MGMT: variants seen among roughly 807,000 people sequenced by gnomAD.
The protein encoded by MGMT is O-6-methylguanine-DNA methyltransferase.
MGMT carries 14 observed loss-of-function variants against 15.9 expected under a neutral mutation model. The ratio of observed to expected loss-of-function variants is 0.88; its 90% confidence interval spans 0.58 to 1.37. The LOEUF (loss-of-function observed/expected upper bound fraction) is 1.37, where lower values mean the gene tolerates loss of function less well. MGMT is among the 40% of genes most tolerant of loss of function. The probability of loss-of-function intolerance (pLI) is 0.00; values close to 1 mark genes in which losing one functional copy is unlikely to be tolerated. For synonymous variants in MGMT, 130 were observed against 118.2 expected (o/e 1.10, Z -0.65); for missense variants, 282 against 268.1 (o/e 1.05, Z -0.36).
chr10:129,511,943 G>A (rs10764885), intron 1 of MGMT, among the ~76,000 whole-genome samples: 70,189 of 152,076 alleles, frequency 0.46, 16,743 homozygotes, highest in East Asian at 0.63. Flanking sequence ...GCTGGCTGCT[G>A]CTCTTCCTTA....
intron 2 of MGMT, among the ~76,000 whole-genome samples, chr10:129,582,719 G>C (rs571228407): frequency 6.6e-6 from 1 of 151,822 alleles, no homozygotes. Flanking sequence ...TTCCCCCTTC[G>C]GATAAAGCAT....
intron 2 of MGMT, among the ~76,000 whole-genome samples, chr10:129,619,510 A>G (rs2133074441): frequency 6.6e-6 from 1 of 152,192 alleles, no homozygotes; most frequent in East Asian, 1.9e-4. Flanking sequence ...CTGGCTTCAT[A>G]AAATGAACTG....
chr10:129,657,719 A>G (rs1240381732), intron 2 of MGMT, among the ~76,000 whole-genome samples: 1 of 148,100 alleles, frequency 6.8e-6, no homozygotes, highest in Non-Finnish European at 1.5e-5. Context: ...ACACACACAC[A>G]CACACACACC....
intron 3 of MGMT, among the ~76,000 whole-genome samples, chr10:129,713,033 T>C (rs10741198): frequency 0.39 from 58,968 of 152,056 alleles, 11,875 homozygotes; most frequent in East Asian, 0.54. Context: ...ATGTTTTTCT[T>C]GTAGCTTCCA....
At chr10:129,669,426 A>AT (rs1018854757) in intron 2 of MGMT, among the ~76,000 whole-genome samples, 21 of 151,848 alleles carry the variant, frequency 1.4e-4, no homozygotes, top group African/African-American at 4.3e-4. Flanking sequence ...GCTTTTTCTT[A>AT]TTTTTTTGTT....
chr10:129,740,889 T>C (rs1333274080), intron 3 of MGMT, among the ~76,000 whole-genome samples: 3 of 152,162 alleles, frequency 2.0e-5, no homozygotes, highest in African/African-American at 7.2e-5. Flanking sequence ...GCACTTACTG[T>C]GATAATTGCA....
chr10:129,644,407 C>G (rs7906680), intron 2 of MGMT, among the ~76,000 whole-genome samples: 74,918 of 152,114 alleles, frequency 0.49, 20,066 homozygotes, highest in African/African-American at 0.69. Context: ...CCTAGGCTGG[C>G]GTCGGGGCCA....
chr10:129,712,419 G>A (rs1344108804), intron 3 of MGMT, among the ~76,000 whole-genome samples: 2 of 152,198 alleles, frequency 1.3e-5, no homozygotes, highest in African/African-American at 4.8e-5. Flanking sequence ...CCAGTTGCAT[G>A]ACAGCAGTAA....
At chr10:129,518,811 G>GT (rs1845773040) in intron 1 of MGMT, among the ~76,000 whole-genome samples, 1 of 151,396 alleles carries the variant, frequency 6.6e-6, no homozygotes, top group South Asian at 2.1e-4. Context: ...GTTAAGTTTT[G>GT]GGGGAGTCAA....
intron 2 of MGMT, among the ~76,000 whole-genome samples, chr10:129,555,046 A>AC (rs1846197566): frequency 6.6e-6 from 1 of 152,190 alleles, no homozygotes; most frequent in African/African-American, 2.4e-5. Flanking sequence ...GAACAACGCC[A>AC]CCCCATAGTA....
rs183398839 is a variant in MGMT at position 129,763,965 on chromosome 10, T to C, written c.415-2823T>C. ...GTCAGAAGCCTCTTAGACTGCGTCATTGGTGCACGTTACCAAACTCATCGT... is the reference window on the plus strand; with the variant it reads ...GTCAGAAGCCTCTTAGACTGCGTCACTGGTGCACGTTACCAAACTCATCGT... On this transcript the variant is annotated intron_variant, in intron 4 of 4. Transcript: ENST00000651593. Among the ~76,000 whole-genome samples, 22 of 152,342 alleles carry C rather than the reference T, an allele frequency of 1.4e-4. No homozygotes were observed. In the East Asian group the frequency reaches 1.7e-3, roughly 12 times the overall value.
At chr10:129,766,088 C>T (rs983230964) in intron 4 of MGMT, among the ~76,000 whole-genome samples, 2 of 152,172 alleles carry the variant, frequency 1.3e-5, no homozygotes, top group Non-Finnish European at 2.9e-5. Context: ...AGGCAGGATC[C>T]GGGGCCTGTG....
At chr10:129,521,534 G>T (rs1248598184) in intron 1 of MGMT, among the ~76,000 whole-genome samples, 1 of 152,290 alleles carries the variant, frequency 6.6e-6, no homozygotes, top group Middle Eastern at 3.4e-3. Context: ...CTCACAGCCG[G>T]GGCTAGATTC....
At chr10:129,587,726 G>A (rs1039245081) in intron 2 of MGMT, among the ~76,000 whole-genome samples, 40 of 151,770 alleles carry the variant, frequency 2.6e-4, no homozygotes, top group Non-Finnish European at 4.3e-4. Context: ...GTGAGCCACC[G>A]TACCCGACCT....
intron 1 of MGMT, among the ~76,000 whole-genome samples, chr10:129,524,406 G>A (rs1315552137): frequency 3.9e-5 from 6 of 152,206 alleles, no homozygotes; most frequent in Middle Eastern, 3.4e-3. Flanking sequence ...GCCATGCACC[G>A]TGCGTGTACA....
At chr10:129,603,275 T>G (rs533928930) in intron 2 of MGMT, among the ~76,000 whole-genome samples, 14 of 152,250 alleles carry the variant, frequency 9.2e-5, no homozygotes, top group Non-Finnish European at 1.6e-4. Context: ...GATTTTCAGC[T>G]GTTTGTTGTT....
chr10:129,579,289 C>T (rs1462603868), intron 2 of MGMT, among the ~76,000 whole-genome samples: 1 of 152,230 alleles, frequency 6.6e-6, no homozygotes, highest in Non-Finnish European at 1.5e-5. Context: ...TCCTTTCACA[C>T]AGTCGCCTGG....
At chr10:129,763,086 T>C (rs1439468160) in intron 4 of MGMT, among the ~76,000 whole-genome samples, 1 of 152,162 alleles carries the variant, frequency 6.6e-6, no homozygotes, top group Non-Finnish European at 1.5e-5. Flanking sequence ...TGGAAACAAA[T>C]CTATGGGTTT....
At chr10:129,618,539 C>A (rs1409030256) in intron 2 of MGMT, among the ~76,000 whole-genome samples, 6 of 151,936 alleles carry the variant, frequency 3.9e-5, no homozygotes, top group African/African-American at 1.4e-4. Flanking sequence ...ATAGAAAAAC[C>A]TGTGATTTTC....
Sources: allele counts gnomAD v4.1 joint callset (sites outside exome capture counted in the v4.1 genomes callset), GRCh38; gene constraint gnomAD v4.1.1; transcripts MANE v1.5; gene names NCBI Gene and HGNC (gene_info 2026-07-23, HGNC 2026-07-21).